FAAH2: variants seen among roughly 807,000 people sequenced by gnomAD.
FAAH2 encodes fatty acid amide hydrolase 2.
In FAAH2, 60 loss-of-function variants were observed where a neutral mutation model predicts 36.9. That is an observed-to-expected ratio of 1.63 (90% CI 1.32 to 2.02). FAAH2 has a LOEUF of 2.02. Among genes scored for constraint, FAAH2 ranks in the 30% most tolerant of loss-of-function variants. The pLI is 0.00. For missense variants in FAAH2, 689 were observed against 397.5 expected (o/e 1.73, Z -6.23); for synonymous variants, 214 against 143.8 (o/e 1.49, Z -3.49).
the FAAH2 span, among the ~76,000 whole-genome samples, chrX:57,189,189 C>A: frequency 1.8e-5 from 2 of 110,607 alleles, no homozygotes; most frequent in African/African-American, 6.6e-5. Context: ...GCTGTTAATA[C>A]TTGTGTAGGC....
At chrX:57,162,888 G>T in the FAAH2 span, among the ~76,000 whole-genome samples, 1 of 112,977 alleles carries the variant, frequency 8.9e-6, no homozygotes, top group African/African-American at 3.2e-5. Context: ...ATCCAGCTTT[G>T]TTCCCTTGCT....
Position 57,379,152 on chromosome X carries a change from C to A in FAAH2, c.878+366C>A, listed in dbSNP as rs147652327. Among the ~76,000 whole-genome samples the A allele has an allele frequency of 3.9e-3, 434 of 111,711 alleles. 2 individuals are homozygous for A. Among genetic ancestry groups the A allele is most frequent in the African/African-American group, 0.014 (419 of 30,806 alleles). On this transcript the variant is annotated intron_variant, in intron 6 of 10. Transcript: ENST00000374900. ...CTTTCCAATCTCACCTAGGCATCAA[C>A]GCTGCTTGGAAATTGGTTCCCTAGA...
the FAAH2 span, among the ~76,000 whole-genome samples, chrX:57,153,547 G>T: frequency 8.9e-6 from 1 of 111,799 alleles, no homozygotes; most frequent in Non-Finnish European, 1.9e-5. Context: ...AGTTCTTGTA[G>T]TGCTGTCTTG....
intron 10 of FAAH2, among the ~76,000 whole-genome samples, chrX:57,487,583 G>T (rs2057498561): frequency 1.8e-5 from 2 of 112,101 alleles, no homozygotes; most frequent in African/African-American, 6.4e-5. Context: ...AGTTATCAAT[G>T]CACATTCACT....
At chrX:57,367,940 T>A in intron 5 of FAAH2, among the ~76,000 whole-genome samples, 1 of 111,907 alleles carries the variant, frequency 8.9e-6, no homozygotes, top group Non-Finnish European at 1.9e-5. Flanking sequence ...CACAGTGCTA[T>A]CTTATAACTG....
intron 2 of FAAH2, among the ~76,000 whole-genome samples, chrX:57,299,571 C>T (rs1353220050): frequency 1.8e-5 from 2 of 111,932 alleles, no homozygotes; most frequent in East Asian, 5.6e-4. Flanking sequence ...TCTCTCACCA[C>T]TCCTATTCAA....
At chrX:57,457,562 A>C (rs1226619810) in intron 10 of FAAH2, among the ~76,000 whole-genome samples, 1 of 111,006 alleles carries the variant, frequency 9.0e-6, no homozygotes, top group Admixed American at 9.6e-5. Flanking sequence ...GACTCTGCTA[A>C]GTCTCCTGGA....
chrX:57,350,604 T>G (rs1382161323), intron 5 of FAAH2, among the ~76,000 whole-genome samples: 3 of 110,995 alleles, frequency 2.7e-5, no homozygotes, highest in Non-Finnish European at 5.7e-5. Flanking sequence ...AAATTCTTCT[T>G]ACAAGAAAGT....
At position 57,451,915 on chromosome X, in the gene FAAH2, C is replaced by T. The variant is rs765053387; in HGVS notation, c.1423+3197C>T. The stretch of plus-strand genomic sequence containing the variant: ...CAGATTCTTTGAATATTTGATTAGC[C>T]TATGCTATTTCCTGATAACATGCAA... On this transcript the variant is annotated intron_variant, in intron 10 of 10. Transcript: ENST00000374900. Among the ~76,000 whole-genome samples the T allele has an allele frequency of 1.5e-4, 17 of 112,740 alleles. No homozygotes were observed. In the South Asian group the frequency reaches 6.2e-3, roughly 41 times the overall value.
the FAAH2 span, among the ~76,000 whole-genome samples, chrX:57,174,210 A>AT: frequency 0.011 from 1,145 of 101,416 alleles, 14 homozygotes; most frequent in African/African-American, 0.022. Context: ...TAGCCCCGAG[A>AT]TTTTTTTTTT....
At chrX:57,299,019 A>G (rs2052239554) in intron 2 of FAAH2, among the ~76,000 whole-genome samples, 1 of 111,764 alleles carries the variant, frequency 8.9e-6, no homozygotes, top group Non-Finnish European at 1.9e-5. Context: ...GAATTCTACC[A>G]GAGGTACAAG....
chrX:57,150,140 T>C, the FAAH2 span, among the ~76,000 whole-genome samples: 2 of 112,244 alleles, frequency 1.8e-5, no homozygotes, highest in African/African-American at 3.2e-5. Context: ...TGTTATAATG[T>C]CTCTTATTTT....
At chrX:57,225,893 C>A in the FAAH2 span, among the ~76,000 whole-genome samples, 1 of 111,893 alleles carries the variant, frequency 8.9e-6, no homozygotes, top group Non-Finnish European at 1.9e-5. Flanking sequence ...TATATAATGT[C>A]CCTCTTTGTG....
chrX:57,347,504 C>T (rs565889086), intron 5 of FAAH2, among the ~76,000 whole-genome samples: 2 of 109,719 alleles, frequency 1.8e-5, no homozygotes, highest in South Asian at 7.7e-4. Flanking sequence ...TGGGTTTCAA[C>T]TTTCTCCTGA....
the FAAH2 span, among the ~76,000 whole-genome samples, chrX:57,170,256 C>A: frequency 5.4e-5 from 6 of 111,738 alleles, no homozygotes; most frequent in East Asian, 1.7e-3. Flanking sequence ...GGCTTTTTTG[C>A]TTGCATAGCA....
intron 4 of FAAH2, among the ~76,000 whole-genome samples, chrX:57,337,060 G>A (rs918017606): frequency 2.7e-5 from 3 of 110,221 alleles, no homozygotes; most frequent in South Asian, 7.6e-4. Flanking sequence ...ATGATAAGGG[G>A]TTATTACCAC....
At chrX:57,211,764 C>T in the FAAH2 span, among the ~76,000 whole-genome samples, 2 of 111,776 alleles carry the variant, frequency 1.8e-5, no homozygotes, top group African/African-American at 6.5e-5. Context: ...CCATGCAGGA[C>T]ATTATTACCA....
At chrX:57,344,893 T>A (rs774784092) in intron 5 of FAAH2, among the ~76,000 whole-genome samples, 9 of 111,630 alleles carry the variant, frequency 8.1e-5, no homozygotes, top group Admixed American at 5.7e-4. Flanking sequence ...CACTTTTTTT[T>A]ATTTGCTTAT....
intron 4 of FAAH2, among the ~76,000 whole-genome samples, chrX:57,340,897 C>G (rs188783490): frequency 9.1e-6 from 1 of 109,986 alleles, no homozygotes; most frequent in East Asian, 2.9e-4. Flanking sequence ...CACCATGGCA[C>G]GCATATACCT....
Sources: gnomAD v4.1 joint callset for allele counts (sites outside exome capture counted in the v4.1 genomes callset) on GRCh38, gnomAD v4.1.1 for gene constraint, MANE v1.5 for transcripts, NCBI Gene and HGNC (gene_info 2026-07-23, HGNC 2026-07-21) for gene names.